The following NXN variants were observed in gnomAD, a reference collection of about 807,000 sequenced individuals.
NXN encodes the protein nucleoredoxin 1.
In NXN, 16 loss-of-function variants were observed where a neutral mutation model predicts 48.6. The observed-to-expected ratio is 0.33, with a 90% CI of 0.22 to 0.50. The LOEUF (loss-of-function observed/expected upper bound fraction) is 0.50. Ranked by LOEUF, NXN falls within the 20% of genes least tolerant of loss-of-function variation. The pLI is 0.98. For synonymous variants in NXN, 281 were observed against 269.6 expected (o/e 1.04, Z -0.41); for missense variants, 492 against 605.5 (o/e 0.81, Z 1.97).
chr17:810,304 TGTGA>T (rs1911904327), intron 5 of NXN, among the ~76,000 whole-genome samples: 3 of 98,160 alleles, frequency 3.1e-5, no homozygotes, highest in African/African-American at 1.0e-4. Context: ...GTTACGAGTC[TGTGA>T]GTGGTGTGCA....
In NXN at chr17:917,875, G is replaced by A. The variant is rs1037294648; in HGVS notation, c.360+61444C>T. 2.0e-5 allele frequency among the ~76,000 whole-genome samples: 3 copies of A among 152,188 alleles called. No homozygotes were observed. The highest frequency in any genetic ancestry group is 1.9e-4 in the East Asian group (1 of 5,200). ...TCCCGTTCCAAACAAAGGGGACTGC[G>A]TACTGGTGAAGAAGAATGTGGTCTG... On this transcript the variant is annotated intron_variant, in intron 1 of 7. Transcript: ENST00000336868. This position sits in a 1 kb window ranked among gnomAD's most constrained non-coding sequence, Gnocchi z 4.5.
intron 1 of NXN, chr17:896,857 A>T: frequency 1.6e-5 from 9 of 577,916 alleles, no homozygotes; most frequent in Non-Finnish European, 2.1e-5. Context: ...GGTCCTGACC[A>T]CCCGCCCCCG....
intron 1 of NXN, among the ~76,000 whole-genome samples, chr17:973,695 T>C (rs1191916470): frequency 2.0e-5 from 3 of 152,026 alleles, no homozygotes; most frequent in Non-Finnish European, 4.4e-5. Flanking sequence ...ATTTTTTTTT[T>C]CCAAGACGGA....
intron 7 of NXN, among the ~76,000 whole-genome samples, chr17:801,368 G>A (rs141245671): frequency 2.7e-3 from 410 of 149,966 alleles, no homozygotes; most frequent in Middle Eastern, 7.0e-3. Flanking sequence ...TAAGTCGTCT[G>A]TATTTAATTA....
At chr17:805,023 C>CCCCCCCCCA in intron 6 of NXN, 45 bp downstream of exon 6, 1 of 1,505,612 alleles carries the variant, frequency 6.6e-7, no homozygotes, top group Non-Finnish European at 9.0e-7. Flanking sequence ...CCTCCTGTCC[C>CCCCCCCCCA]GCCCCCCAGC....
In NXN at chr17:822,338, A is replaced by G. The variant is rs1193223917; in HGVS notation, c.713+19T>C. The stretch of plus-strand genomic sequence containing the variant: ...GCTACCTACAGAAAAGGGGCCCAGC[A>G]CTTCACGGCACGACTGACCTGTCTG... On this transcript the variant is annotated intron_variant, in intron 4 of 7. Transcript: ENST00000336868. The G allele has an allele frequency of 6.4e-7, 1 of 1,572,674 alleles. No homozygotes were observed. Among genetic ancestry groups the G allele is most frequent in the Non-Finnish European group, 8.7e-7 (1 of 1,143,354 alleles).
In NXN at chr17:919,806, A is replaced by G. The variant is rs2068726918; in HGVS notation, c.360+59513T>C. 6.6e-6 allele frequency among the ~76,000 whole-genome samples: 1 copy of G among 152,124 alleles called. No homozygotes were observed. The highest frequency in any genetic ancestry group is 2.1e-4 in the South Asian group (1 of 4,820). On this transcript the variant is annotated intron_variant, in intron 1 of 7. Coordinates refer to ENST00000336868, the MANE Select transcript of NXN (RefSeq NM_022463.5). The surrounding 1 kb of genome is among the most constrained non-coding windows in gnomAD (Gnocchi z 5.1). ...AACACCAGGAAACGCTCTCCCTTCC[A>G]TCATTCAATCTTGGCGGACCACACT... is the stretch of plus-strand genomic sequence containing the variant.
intron 5 of NXN, among the ~76,000 whole-genome samples, chr17:812,884 A>G (rs374154169): frequency 0.032 from 4,421 of 139,800 alleles, 236 homozygotes; most frequent in African/African-American, 0.11. Flanking sequence ...GTGTGCGCAC[A>G]TGTGAATGTA....
At chr17:803,001 G>C (rs960353711) in intron 7 of NXN, among the ~76,000 whole-genome samples, 6 of 152,228 alleles carry the variant, frequency 3.9e-5, no homozygotes, top group African/African-American at 1.4e-4. Flanking sequence ...GGTTGGAGGA[G>C]CTCAAGAATG....
At chr17:818,051 GAGTTCGAGACC>G in intron 5 of NXN, among the ~76,000 whole-genome samples, 1 of 152,230 alleles carries the variant, frequency 6.6e-6, no homozygotes, top group East Asian at 1.9e-4. Flanking sequence ...TTGAGCCCAT[GAGTTCGAGACC>G]AGCCTGGGCA....
Position 917,533 on chromosome 17 carries a change from G to A in NXN, c.360+61786C>T, listed in dbSNP as rs2068700769. 6.6e-6 allele frequency among the ~76,000 whole-genome samples: 1 copy of A among 152,238 alleles called. No homozygotes were observed. The highest frequency in any genetic ancestry group is 1.5e-5 in the Non-Finnish European group (1 of 68,040). On this transcript the variant is annotated intron_variant, in intron 1 of 7. Transcript: ENST00000336868. This position sits in a 1 kb window ranked among gnomAD's most constrained non-coding sequence, Gnocchi z 4.5. ...AGCTCCTCCTCTTCCTTCTGGACCTGCTGTCCCACCCTACGCCCATTTTTT... is the reference window on the plus strand; with the variant it reads ...AGCTCCTCCTCTTCCTTCTGGACCTACTGTCCCACCCTACGCCCATTTTTT...
At chr17:856,259 C>T (rs1002245747) in intron 1 of NXN, among the ~76,000 whole-genome samples, 1 of 151,890 alleles carries the variant, frequency 6.6e-6, no homozygotes, top group Non-Finnish European at 1.5e-5. Flanking sequence ...TGGCCGAGGA[C>T]AGAAAAAGCC....
At chr17:964,752 GA>G (rs2069281959) in intron 1 of NXN, among the ~76,000 whole-genome samples, 1 of 152,196 alleles carries the variant, frequency 6.6e-6, no homozygotes, top group South Asian at 2.1e-4. Flanking sequence ...TAAAATTCAT[GA>G]AATAAATGGA....
In NXN at chr17:905,270, T is replaced by TATAGATAG. The variant is rs1555620707; in HGVS notation, c.360+74048_360+74049insCTATCTAT. ...GTAAATGTAAATATATATATATATATATAGATGCCGGGCATGGTAATGCAC... is the reference window on the plus strand; with the variant it reads ...GTAAATGTAAATATATATATATATATATAGATAGATAGATGCCGGGCATGGTAATGCAC... On this transcript the variant is annotated intron_variant, in intron 1 of 7. Coordinates refer to ENST00000336868, the MANE Select transcript of NXN (RefSeq NM_022463.5). 4.1e-4 allele frequency: 62 copies of TATAGATAG among 149,492 alleles called. 2 individuals are homozygous for TATAGATAG. In the East Asian group the frequency reaches 7.7e-3, roughly 19 times the overall value. The allele number at this position is 149,492 out of a possible 1,614,324, so 9.3% of individuals were successfully genotyped here. A position where few individuals can be genotyped will look rare whatever the true frequency, so the allele number is the denominator to read the frequency against.
At chr17:805,024 G>GCCCCCCACCCACCCCAC in intron 6 of NXN, 44 bp downstream of exon 6, 2 of 1,380,612 alleles carry the variant, frequency 1.4e-6, no homozygotes, top group Non-Finnish European at 2.0e-6. Flanking sequence ...CTCCTGTCCC[G>GCCCCCCACCCACCCCAC]CCCCCCAGCC....
At chr17:829,936 G>T (rs781043635) in intron 1 of NXN, among the ~76,000 whole-genome samples, 3 of 152,190 alleles carry the variant, frequency 2.0e-5, no homozygotes, top group Non-Finnish European at 2.9e-5. Flanking sequence ...AAACATACGT[G>T]TGCATGTGTC....
chr17:935,719 G>A (rs1241317304), intron 1 of NXN, among the ~76,000 whole-genome samples: 1 of 152,140 alleles, frequency 6.6e-6, no homozygotes, highest in Admixed American at 6.6e-5. Context: ...GGTATTGACT[G>A]TTGCCATCCT....
chr17:802,558 T>A (rs953430324), intron 7 of NXN, among the ~76,000 whole-genome samples: 3 of 152,230 alleles, frequency 2.0e-5, no homozygotes, highest in African/African-American at 7.2e-5. Flanking sequence ...CGGCCCCTGC[T>A]GTGCTGCAGC....
intron 1 of NXN, chr17:896,857 ACCCGCCC>A: frequency 1.7e-6 from 1 of 577,954 alleles, no homozygotes; most frequent in Non-Finnish European, 2.7e-6. Flanking sequence ...GGTCCTGACC[ACCCGCCC>A]CCGGCCCCTC....
Sources: gnomAD v4.1 joint callset for allele counts (sites outside exome capture counted in the v4.1 genomes callset) on GRCh38, gnomAD v4.1.1 for gene constraint, Gnocchi (gnomAD v3.1) non-coding constraint, MANE v1.5 for transcripts, NCBI Gene and HGNC (gene_info 2026-07-23, HGNC 2026-07-21) for gene names.